Variants in PTCHD1 observed in about 807,000 individuals in gnomAD.
PTCHD1 encodes the protein patched domain containing 1, also known as patched domain-containing protein 1.
In PTCHD1, 3 loss-of-function variants were observed where a neutral mutation model predicts 34.6. That is an observed-to-expected ratio of 0.09 (90% confidence interval 0.04 to 0.22). PTCHD1 has a LOEUF of 0.22. Ranked by LOEUF, PTCHD1 falls within the 10% of genes least tolerant of loss-of-function variation. PTCHD1 has a pLI of 1.00. For synonymous variants in PTCHD1, 305 were observed against 283.1 expected (o/e 1.08, Z -0.77); for missense variants, 504 against 685.5 (o/e 0.74, Z 2.96).
chrX:23,372,077 G>A (rs1323175605), intron 1 of PTCHD1, among the ~76,000 whole-genome samples: 1 of 111,094 alleles, frequency 9.0e-6, no homozygotes, highest in African/African-American at 3.3e-5. Flanking sequence ...TATTTGAATG[G>A]GGGCAGCAGA....
chrX:23,350,954 T>A, intron 1 of PTCHD1: 1 of 208,718 alleles, frequency 4.8e-6, no homozygotes, highest in Non-Finnish European at 8.6e-6. Context: ...GCTCAGGCCT[T>A]ACCAGAGCCT....
rs774016771 is a variant in PTCHD1 at position 23,374,367 on chromosome X, T to C, written c.352-5224T>C. 1.8e-4 allele frequency among the ~76,000 whole-genome samples: 19 copies of C among 108,202 alleles called. No individual in the cohort carries two copies. In the South Asian group the frequency reaches 4.6e-3, roughly 26 times the overall value. The allele number at this position is 108,202 out of a possible 115,157, so 94.0% of individuals were successfully genotyped here. Reference sequence around the variant, plus strand: ...TCTAAACCCACAGGTATTTTTCCTGTGTTAATCACCACTCAGGAGCAGATA... The same window carrying C: ...TCTAAACCCACAGGTATTTTTCCTGCGTTAATCACCACTCAGGAGCAGATA... On this transcript the variant is annotated intron_variant, in intron 1 of 2. Transcript: ENST00000379361.
Position 23,395,094 on chromosome X carries a change from T to C in PTCHD1, c.*909T>C, listed in dbSNP as rs2146654404. On this transcript the variant is annotated 3_prime_UTR_variant, in exon 3 of 3. Transcript: ENST00000379361. The stretch of plus-strand genomic sequence containing the variant: ...TGGCATGATGGAGCAAAAGCAGGTG[T>C]CTACTTGGACCCAGATATAGTGTCT... 1 of 112,023 alleles carries C rather than the reference T, an allele frequency of 8.9e-6. No homozygotes were observed. The highest frequency in any genetic ancestry group is 2.8e-4 in the East Asian group (1 of 3,559). 9.2% of individuals were successfully genotyped at this position (112,023 alleles called of 1,213,427 possible).
In PTCHD1 at chrX:23,394,095, G is replaced by C; in HGVS notation, c.2577G>C (p.Lys859Asn). Residue 859 changes from lysine to asparagine, a missense_variant, in exon 3 of 3, where the codon AAG (lysine) becomes AAC (asparagine). By Grantham distance (94) the Lys-to-Asn change is moderately conservative. Transcript: ENST00000379361. ...LPPSKKKRKEKKNPENREEIE... is the reference protein window; with the variant it reads ...LPPSKKKRKENKNPENREEIE... ...CCTCTAAGAAAAAAAGGAAAGAGAA[G>C]AAAAATCCTGAGAACCGGGAGGAAA... The C allele has an allele frequency of 8.3e-7, 1 of 1,210,001 alleles. No homozygotes were observed.
chrX:23,337,280 A>T (rs1921193518), intron 1 of PTCHD1, among the ~76,000 whole-genome samples: 2 of 112,400 alleles, frequency 1.8e-5, no homozygotes, highest in South Asian at 7.4e-4. Flanking sequence ...TAAAATCAAA[A>T]CCAAGCCTAG....
chrX:23,334,483 C>T (rs1921089663), upstream of PTCHD1: 1 of 109,343 alleles, frequency 9.1e-6, no homozygotes, highest in African/African-American at 3.3e-5. Context: ...CATGACGAGC[C>T]GCGGGGGCTG....
chrX:23,341,733 C>G (rs1921316325), intron 1 of PTCHD1, among the ~76,000 whole-genome samples: 1 of 112,370 alleles, frequency 8.9e-6, no homozygotes, highest in African/African-American at 3.2e-5. Context: ...AAAATCAACA[C>G]CAGTTGTTAT....
At chrX:23,341,278 T>G (rs2146608532) in intron 1 of PTCHD1, among the ~76,000 whole-genome samples, 1 of 112,235 alleles carries the variant, frequency 8.9e-6, no homozygotes, top group East Asian at 2.8e-4. Context: ...ACTGAGCCTC[T>G]CAGGATTCAC....
At chrX:23,350,851 GAGAA>G (rs1921613852) in intron 1 of PTCHD1, among the ~76,000 whole-genome samples, 1 of 110,152 alleles carries the variant, frequency 9.1e-6, no homozygotes, top group African/African-American at 3.3e-5. Context: ...TTCATTATGG[GAGAA>G]AGAAAGGGTT....
chrX:23,396,109 C>A lies in PTCHD1; in HGVS notation c.*1924C>A, dbSNP rs1345726343. 8.9e-6 allele frequency: 1 copy of A among 112,137 alleles called. No individual in the cohort carries two copies. The highest frequency in any genetic ancestry group is 1.9e-5 in the Non-Finnish European group (1 of 53,174). 9.2% of individuals were successfully genotyped at this position (112,137 alleles called of 1,213,427 possible). A position where few individuals can be genotyped will look rare whatever the true frequency, so the allele number is the denominator to read the frequency against. On this transcript the variant is annotated 3_prime_UTR_variant, in exon 3 of 3. Coordinates refer to ENST00000379361, the MANE Select transcript of PTCHD1 (RefSeq NM_173495.3). ...AGGTTTAGGTTTGCCATTGTCTTTC[C>A]AAAAGGCCAAATAATTCAGATGTAA...
chrX:23,353,241 G>T (rs888210087), intron 1 of PTCHD1, among the ~76,000 whole-genome samples: 62 of 112,525 alleles, frequency 5.5e-4, no homozygotes, highest in Non-Finnish European at 8.4e-4. Flanking sequence ...GGATACATGG[G>T]AACTCTAAAC....
intron 1 of PTCHD1, among the ~76,000 whole-genome samples, chrX:23,349,940 A>T (rs1202418993): frequency 9.2e-6 from 1 of 108,641 alleles, no homozygotes; most frequent in Non-Finnish European, 1.9e-5. Flanking sequence ...GCACCCAAGG[A>T]GCTGTTAAAG....
chrX:23,365,678 T>C (rs771271848), intron 1 of PTCHD1, among the ~76,000 whole-genome samples: 1 of 111,336 alleles, frequency 9.0e-6, no homozygotes, highest in East Asian at 2.8e-4. Context: ...CCATCTGTCA[T>C]TGGTTGAGGG....
chrX:23,399,172 C>A lies in PTCHD1; in HGVS notation c.*4987C>A, dbSNP rs992487289. On this transcript the variant is annotated 3_prime_UTR_variant, in exon 3 of 3. Coordinates refer to ENST00000379361, the MANE Select transcript of PTCHD1 (RefSeq NM_173495.3). ...TCTTTGGTTAGAATTAAGCCTACCCCTTTGTTTTTCACATGAGAAAACTGA... is the reference window on the plus strand; with the variant it reads ...TCTTTGGTTAGAATTAAGCCTACCCATTTGTTTTTCACATGAGAAAACTGA... 14 of 111,759 alleles carry A rather than the reference C, an allele frequency of 1.3e-4. No individual in the cohort carries two copies. The highest frequency in any genetic ancestry group is 4.6e-4 in the African/African-American group (14 of 30,708). 9.2% of individuals were successfully genotyped at this position (111,759 alleles called of 1,213,427 possible).
rs747559841 is a variant in PTCHD1 at position 23,393,819 on chromosome X, T to C, written c.2301T>C (p.Asn767=). 16 of 1,209,273 alleles carry C rather than the reference T, an allele frequency of 1.3e-5. No homozygotes were observed. Among genetic ancestry groups the C allele is most frequent in the African/African-American group, 1.7e-5 (1 of 57,204 alleles). ...ATGGAATTAATTACACAATTGACAA[T>C]TGTGCTCCAATGTTATCCACATTTG... is the stretch of plus-strand genomic sequence containing the variant. ...LIYGINYTID[N]CAPMLSTFVL... The change falls in exon 3 of 3, where the codon AAT becomes AAC. Residue 767 remains asparagine (N), a synonymous_variant. Transcript: ENST00000379361.
rs1191293316 is a variant in PTCHD1, at chrX:23,334,856, C to T, written c.-20C>T. 1 of 1,124,399 alleles carries T rather than the reference C, an allele frequency of 8.9e-7. No homozygotes were observed. The highest frequency in any genetic ancestry group is 1.8e-5 in the African/African-American group (1 of 55,078). The allele number at this position is 1,124,399 out of a possible 1,213,427, so 92.7% of individuals were successfully genotyped here. A position where few individuals can be genotyped will look rare whatever the true frequency, so the allele number is the denominator to read the frequency against. ...CCGAGCGTGCGCCTCGCCCTCCTCC[C>T]GCGCCCGCTCTGCTCTAGGATGCTG... On this transcript the variant is annotated 5_prime_UTR_variant, in exon 1 of 3. Transcript: ENST00000379361.
chrX:23,396,052 C>A lies in PTCHD1; in HGVS notation c.*1867C>A, dbSNP rs1442142707. The A allele has an allele frequency of 8.9e-6, 1 of 112,366 alleles. No individual in the cohort carries two copies. The highest frequency in any genetic ancestry group is 1.9e-5 in the Non-Finnish European group (1 of 53,221). 9.3% of individuals were successfully genotyped at this position (112,366 alleles called of 1,213,427 possible). A position where few individuals can be genotyped will look rare whatever the true frequency, so the allele number is the denominator to read the frequency against. ...AGGACTTCGTTGGCCACAGGGCAGA[C>A]ATTTTTTTAGTGTCTGGAATTAAAA... On this transcript the variant is annotated 3_prime_UTR_variant, in exon 3 of 3. Coordinates refer to ENST00000379361, the MANE Select transcript of PTCHD1 (RefSeq NM_173495.3).
At chrX:23,364,065 T>A (rs1922066134) in intron 1 of PTCHD1, among the ~76,000 whole-genome samples, 1 of 111,522 alleles carries the variant, frequency 9.0e-6, no homozygotes, top group Admixed American at 9.5e-5. Flanking sequence ...GATGGATAAA[T>A]CTCACAGGTC....
At chrX:23,362,440 T>C (rs1008438320) in intron 1 of PTCHD1, among the ~76,000 whole-genome samples, 2 of 112,339 alleles carry the variant, frequency 1.8e-5, no homozygotes, top group Non-Finnish European at 3.8e-5. Context: ...TTGATCAAAT[T>C]GGCTATTGAA....
Sources: allele counts gnomAD v4.1 joint callset (sites outside exome capture counted in the v4.1 genomes callset), GRCh38; gene constraint gnomAD v4.1.1; transcripts MANE v1.5; gene names NCBI Gene and HGNC (gene_info 2026-07-23, HGNC 2026-07-21).